LRRC4C: variants seen among roughly 807,000 people sequenced by gnomAD.
LRRC4C encodes leucine-rich repeat-containing protein 4C.
In LRRC4C, 5 loss-of-function variants were observed where a neutral mutation model predicts 33.6. That is an observed-to-expected ratio of 0.15 (90% CI 0.08 to 0.31). The LOEUF (loss-of-function observed/expected upper bound fraction) is 0.31, where lower values mean the gene tolerates loss of function less well. Ranked by LOEUF, LRRC4C falls within the 10% of genes least tolerant of loss-of-function variation. The pLI is 1.00. For missense variants in LRRC4C, 560 were observed against 796.7 expected (o/e 0.70, Z 3.58); for synonymous variants, 329 against 302.0 (o/e 1.09, Z -0.93).
intron 1 of LRRC4C, among the ~76,000 whole-genome samples, chr11:41,207,455 A>G (rs1946646383): frequency 6.6e-6 from 1 of 152,168 alleles, no homozygotes; most frequent in Non-Finnish European, 1.5e-5. Context: ...TGAAGTGTTT[A>G]TGGAGATAAT....
At chr11:41,410,986 G>A (rs1254036089) in intron 1 of LRRC4C, among the ~76,000 whole-genome samples, 1 of 151,530 alleles carries the variant, frequency 6.6e-6, no homozygotes, top group Non-Finnish European at 1.5e-5. Context: ...CATAATGTGA[G>A]GATCCTGTAG....
chr11:41,443,089 A>ATTTTTTTTTTTTTTTTTTTTTTCTTCTT, intron 1 of LRRC4C, among the ~76,000 whole-genome samples: 9 of 105,956 alleles, frequency 8.5e-5, no homozygotes, highest in East Asian at 3.0e-4. Context: ...TGTTTGCTTC[A>ATTTTTTTTTTTTTTTTTTTTTTCTTCTT]TTTTTTTTTT....
intron 3 of LRRC4C, among the ~76,000 whole-genome samples, chr11:40,419,626 A>G (rs1414520180): frequency 2.0e-5 from 3 of 152,230 alleles, no homozygotes; most frequent in Admixed American, 2.0e-4. Context: ...AGATCACCAG[A>G]AGACCCGCTG....
chr11:40,742,131 T>G (rs1030724238), intron 2 of LRRC4C, among the ~76,000 whole-genome samples: 2 of 152,026 alleles, frequency 1.3e-5, no homozygotes, highest in Non-Finnish European at 2.9e-5. Flanking sequence ...CAAATCCTGT[T>G]TCCATAATAA....
intron 1 of LRRC4C, among the ~76,000 whole-genome samples, chr11:41,164,429 T>A (rs1275223085): frequency 6.6e-6 from 1 of 152,136 alleles, no homozygotes; most frequent in Non-Finnish European, 1.5e-5. Flanking sequence ...AGTTACCTTT[T>A]TTTTACATAA....
At chr11:40,146,944 A>G (rs1480379507) in intron 5 of LRRC4C, among the ~76,000 whole-genome samples, 1 of 152,162 alleles carries the variant, frequency 6.6e-6, no homozygotes, top group East Asian at 1.9e-4. Context: ...CACAGGATCA[A>G]ATTAAGTCAT....
chr11:40,306,746 C>G (rs183871556), intron 4 of LRRC4C, among the ~76,000 whole-genome samples: 1 of 152,202 alleles, frequency 6.6e-6, no homozygotes, highest in African/African-American at 2.4e-5. Context: ...ATGATTGCCA[C>G]GCCCACGTTC....
intron 1 of LRRC4C, among the ~76,000 whole-genome samples, chr11:41,389,534 G>C (rs966355165): frequency 2.8e-5 from 4 of 144,318 alleles, no homozygotes; most frequent in Admixed American, 2.2e-4. Context: ...AAGGGTTAAA[G>C]AACAGTCTCT....
intron 5 of LRRC4C, among the ~76,000 whole-genome samples, chr11:40,234,993 G>T (rs1865459692): frequency 6.6e-6 from 1 of 152,214 alleles, no homozygotes; most frequent in Non-Finnish European, 1.5e-5. Context: ...ACTTTTGGAT[G>T]AAAACTAAAC....
intron 3 of LRRC4C, among the ~76,000 whole-genome samples, chr11:40,449,801 T>C (rs1951805646): frequency 6.6e-6 from 1 of 152,144 alleles, no homozygotes; most frequent in South Asian, 2.1e-4. Flanking sequence ...AAAATAAATA[T>C]AGCAGGTGCT....
chr11:40,336,848 G>A (rs953680140), intron 3 of LRRC4C, among the ~76,000 whole-genome samples: 5 of 151,354 alleles, frequency 3.3e-5, no homozygotes, highest in African/African-American at 1.2e-4. Context: ...GTGGCGGGGG[G>A]CGCCTGTAGT....
chr11:40,389,477 A>AAAAAC (rs137888662), intron 3 of LRRC4C, among the ~76,000 whole-genome samples: 7 of 151,288 alleles, frequency 4.6e-5, no homozygotes, highest in African/African-American at 1.5e-4. Context: ...CTCAAAAAAA[A>AAAAAC]AAATAATCAA....
At chr11:40,216,829 G>A (rs1864014824) in intron 5 of LRRC4C, among the ~76,000 whole-genome samples, 1 of 152,168 alleles carries the variant, frequency 6.6e-6, no homozygotes, top group South Asian at 2.1e-4. Context: ...TCTTTAGCGG[G>A]TTGGGGAATT....
intron 1 of LRRC4C, among the ~76,000 whole-genome samples, chr11:41,326,650 A>G (rs1377519849): frequency 6.6e-6 from 1 of 152,124 alleles, no homozygotes; most frequent in Non-Finnish European, 1.5e-5. Flanking sequence ...GTGTTTTTCC[A>G]AACAAAATTG....
In LRRC4C at chr11:40,718,992, T is replaced by C. The variant is rs376061462; in HGVS notation, c.-406-70714A>G. Among the ~76,000 whole-genome samples, 93 of 152,320 alleles carry C rather than the reference T, an allele frequency of 6.1e-4. 2 individuals carry two copies. In the South Asian group the frequency reaches 0.019, roughly 32 times the overall value. On this transcript the variant is annotated intron_variant, in intron 2 of 6. Transcript: ENST00000528697. ...CATCCTCCTTCTCATATAAAACCTATAATTTTCTGAAATTTTCAGAAATGC... is the reference window on the plus strand; with the variant it reads ...CATCCTCCTTCTCATATAAAACCTACAATTTTCTGAAATTTTCAGAAATGC...
chr11:40,195,429 A>T (rs1440275572), intron 5 of LRRC4C, among the ~76,000 whole-genome samples: 1 of 152,200 alleles, frequency 6.6e-6, no homozygotes, highest in African/African-American at 2.4e-5. Context: ...AGCAAAATGT[A>T]GGGGTTGAGA....
At position 41,156,031 on chromosome 11, in the gene LRRC4C, T is replaced by C. The variant is rs569666328; in HGVS notation, c.-495-222308A>G. ...TTAGCATTTTGTGAACAGATTTTTC[T>C]GTTTTGTTATTCAGCTTTGTGTAGG... On this transcript the variant is annotated intron_variant, in intron 1 of 6. Transcript: ENST00000528697. Among the ~76,000 whole-genome samples the C allele has an allele frequency of 2.0e-5, 3 of 152,254 alleles. 1 individual carries two copies. The South Asian group carries it at 6.2e-4, about 31-fold the overall frequency.
At chr11:40,650,746 T>C (rs927264285) in intron 2 of LRRC4C, among the ~76,000 whole-genome samples, 4 of 152,212 alleles carry the variant, frequency 2.6e-5, no homozygotes, top group African/African-American at 9.6e-5. Flanking sequence ...TGAACTATAT[T>C]ACTTATTTAA....
chr11:41,424,659 G>T (rs1232814599), intron 1 of LRRC4C, among the ~76,000 whole-genome samples: 1 of 151,990 alleles, frequency 6.6e-6, no homozygotes. Context: ...TTTGACAGAA[G>T]ATACCAATTT....
Sources: allele counts gnomAD v4.1 joint callset (sites outside exome capture counted in the v4.1 genomes callset), GRCh38; gene constraint gnomAD v4.1.1; transcripts MANE v1.5; gene names NCBI Gene and HGNC (gene_info 2026-07-23, HGNC 2026-07-21).